The following RABGAP1L variants were observed in gnomAD, a reference collection of about 807,000 sequenced individuals.
The protein encoded by RABGAP1L is RAB GTPase activating protein 1 like.
A neutral mutation model predicts 137.7 loss-of-function variants in RABGAP1L; 63 were observed. That is an observed-to-expected ratio of 0.46 (90% CI 0.37 to 0.56). RABGAP1L has a LOEUF of 0.56. RABGAP1L is among the 20% of genes least tolerant of loss of function. The pLI, the probability that RABGAP1L is intolerant of heterozygous loss-of-function variation, is 0.00. For synonymous variants in RABGAP1L, 431 were observed against 433.7 expected, an observed-to-expected ratio of 0.99 and a Z score of 0.08; for missense variants, 1,095 against 1,244.0, an observed-to-expected ratio of 0.88 and a Z score of 1.80.
intron 1 of RABGAP1L, among the ~76,000 whole-genome samples, chr1:174,165,122 A>G (rs572762908): frequency 5.6e-4 from 86 of 152,328 alleles, no homozygotes; most frequent in African/African-American, 1.9e-3. Context: ...ATAAGGAACT[A>G]TAAGAGTTTA....
intron 12 of RABGAP1L, among the ~76,000 whole-genome samples, chr1:174,383,281 A>G (rs1424632803): frequency 1.3e-5 from 2 of 150,218 alleles, no homozygotes; most frequent in Non-Finnish European, 3.0e-5. Context: ...GAGCCTACAG[A>G]GGCAGGCAGG....
rs543773954 is a variant in RABGAP1L at position 174,628,385 on chromosome 1, G to A, written c.1711-8990G>A. ...AGGATGTCTAAAATGTATATTCACC[G>A]AAAATTTTAAACAGTTGAATAATGG... On this transcript the variant is annotated intron_variant, in intron 13 of 25. Coordinates refer to ENST00000681986, the MANE Select transcript of RABGAP1L (RefSeq NM_001366446.1). 3.9e-5 allele frequency among the ~76,000 whole-genome samples: 6 copies of A among 152,120 alleles called. No individual in the cohort carries two copies. In the South Asian group the frequency reaches 6.2e-4, roughly 16 times the overall value.
chr1:174,252,334 G>C, intron 6 of RABGAP1L, 146 bp from the exon 7 acceptor site: 1 of 861,714 alleles, frequency 1.2e-6, no homozygotes, highest in Non-Finnish European at 1.7e-6. Context: ...ATAGTTTGCT[G>C]CCTGTGGCAA....
intron 18 of RABGAP1L, among the ~76,000 whole-genome samples, chr1:174,771,365 A>G (rs1686097372): frequency 6.6e-6 from 1 of 152,138 alleles, no homozygotes; most frequent in South Asian, 2.1e-4. Context: ...GTATGTTTGT[A>G]TGTCTTATAT....
intron 21 of RABGAP1L, among the ~76,000 whole-genome samples, chr1:174,973,559 A>G (rs1670351266): frequency 1.3e-5 from 2 of 151,648 alleles, no homozygotes; most frequent in Non-Finnish European, 2.9e-5. Context: ...TGATTTTTGT[A>G]TTTTTAATAG....
chr1:174,172,561 C>G (rs1238662113), intron 1 of RABGAP1L, among the ~76,000 whole-genome samples: 1 of 152,152 alleles, frequency 6.6e-6, no homozygotes, highest in Admixed American at 6.5e-5. Context: ...GGTGATAGCT[C>G]ATTGTGGTTT....
At chr1:174,690,078 CACAA>C (rs1247609203) in intron 15 of RABGAP1L, among the ~76,000 whole-genome samples, 2 of 152,154 alleles carry the variant, frequency 1.3e-5, no homozygotes, top group African/African-American at 4.8e-5. Flanking sequence ...TCCTAATACA[CACAA>C]ACATTTTACC....
At chr1:174,689,374 A>G (rs1488964908) in intron 15 of RABGAP1L, among the ~76,000 whole-genome samples, 5 of 151,848 alleles carry the variant, frequency 3.3e-5, no homozygotes, top group Non-Finnish European at 5.9e-5. Flanking sequence ...TATTTGTGGC[A>G]TTATATTATT....
intron 11 of RABGAP1L, among the ~76,000 whole-genome samples, chr1:174,318,061 A>C (rs533804380): frequency 1.4e-5 from 2 of 138,942 alleles, no homozygotes; most frequent in South Asian, 4.5e-4. Flanking sequence ...TTTTTTTTCT[A>C]TCTCTTCAGT....
intron 13 of RABGAP1L, among the ~76,000 whole-genome samples, chr1:174,482,530 G>C (rs1336589586): frequency 6.6e-6 from 1 of 152,026 alleles, no homozygotes; most frequent in Non-Finnish European, 1.5e-5. Context: ...TTGCTCTGTT[G>C]CCCAGACTGG....
intron 19 of RABGAP1L, among the ~76,000 whole-genome samples, chr1:174,881,852 T>C (rs1157878139): frequency 6.6e-6 from 1 of 152,148 alleles, no homozygotes. Flanking sequence ...GAACATTTTT[T>C]CATCAAACAT....
At chr1:174,361,805 C>G (rs534238536) in intron 11 of RABGAP1L, among the ~76,000 whole-genome samples, 16 of 152,102 alleles carry the variant, frequency 1.1e-4, no homozygotes, top group Non-Finnish European at 2.1e-4. Flanking sequence ...ATTCTAAGTT[C>G]TGTGGTACAT....
At chr1:174,825,795 G>A (rs1248855960) in intron 19 of RABGAP1L, among the ~76,000 whole-genome samples, 1 of 152,212 alleles carries the variant, frequency 6.6e-6, no homozygotes, top group African/African-American at 2.4e-5. Context: ...GGAGGCTGAG[G>A]CAGGAGAATC....
chr1:174,281,396 C>T (rs1318016154), intron 10 of RABGAP1L, among the ~76,000 whole-genome samples: 1 of 152,162 alleles, frequency 6.6e-6, no homozygotes, highest in African/African-American at 2.4e-5. Flanking sequence ...AGACACAGAG[C>T]ACTGACTGGT....
intron 13 of RABGAP1L, among the ~76,000 whole-genome samples, chr1:174,422,264 A>G (rs1253963447): frequency 6.6e-6 from 1 of 151,816 alleles, no homozygotes. Flanking sequence ...CTTCTATTTT[A>G]TATATATTAT....
intron 11 of RABGAP1L, among the ~76,000 whole-genome samples, chr1:174,349,094 CG>C (rs1682765486): frequency 7.4e-6 from 1 of 136,004 alleles, no homozygotes. Context: ...GGCGGCTGGC[CG>C]GGCGGGGGGC....
intron 10 of RABGAP1L, among the ~76,000 whole-genome samples, chr1:174,296,847 A>G (rs1269327364): frequency 6.6e-6 from 1 of 152,248 alleles, no homozygotes; most frequent in Non-Finnish European, 1.5e-5. Flanking sequence ...GTTACTGGAA[A>G]TAAATGTCAT....
At chr1:174,877,281 T>C in intron 19 of RABGAP1L, 1 of 787,270 alleles carries the variant, frequency 1.3e-6, no homozygotes, top group Non-Finnish European at 2.0e-6. Context: ...AAACCTCTTT[T>C]AGTTTCCTAC....
chr1:174,820,368 C>A (rs1690891151), intron 19 of RABGAP1L, among the ~76,000 whole-genome samples: 1 of 152,038 alleles, frequency 6.6e-6, no homozygotes, highest in Non-Finnish European at 1.5e-5. Flanking sequence ...ATGAATACTC[C>A]CACCATGGCC....
Sources: allele counts gnomAD v4.1 joint callset (sites outside exome capture counted in the v4.1 genomes callset), GRCh38; gene constraint gnomAD v4.1.1; transcripts MANE v1.5; gene names NCBI Gene and HGNC (gene_info 2026-07-23, HGNC 2026-07-21).